ABCC2: variants seen among roughly 807,000 people sequenced by gnomAD.
The protein encoded by ABCC2 is ATP-binding cassette sub-family C member 2.
ABCC2 carries 157 observed loss-of-function variants against 173.4 expected under a neutral mutation model. The observed-to-expected ratio is 0.91, with a 90% CI of 0.80 to 1.03. The LOEUF (loss-of-function observed/expected upper bound fraction) is 1.03, where lower values mean the gene tolerates loss of function less well. Ranked by LOEUF, ABCC2 falls within the 50% of genes least tolerant of loss-of-function variation. The pLI, the probability that ABCC2 is intolerant of heterozygous loss-of-function variation, is 0.00. For synonymous variants in ABCC2, 657 were observed against 693.5 expected (o/e 0.95, Z 0.83); for missense variants, 1,822 against 1,852.3 (o/e 0.98, Z 0.30).
rs1226893923 is a variant in ABCC2 at position 99,836,189 on chromosome 10, A to G, written c.3513A>G (p.Pro1171=). The change falls in exon 25 of 32, where the codon CCA becomes CCG. Residue 1171 remains proline (P), a synonymous_variant. Coordinates refer to ENST00000647814, the MANE Select transcript of ABCC2 (RefSeq NM_000392.5). The part of the protein sequence containing the change: ...SHFSETVSGL[P]VIRAFEHQQR... ...TCAGCGAGACCGTATCAGGTTTGCCAGTTATCCGTGCCTTTGAGCACCAGC... is the reference window on the plus strand; with the variant it reads ...TCAGCGAGACCGTATCAGGTTTGCCGGTTATCCGTGCCTTTGAGCACCAGC... The G allele has an allele frequency of 2.5e-6, 4 of 1,614,208 alleles. No homozygotes were observed. Among genetic ancestry groups the G allele is most frequent in the Non-Finnish European group, 3.4e-6 (4 of 1,180,042 alleles).
chr10:99,851,719 T>C lies in ABCC2; in HGVS notation c.*88T>C. ...ATAAAATACAGAATACATACAAAAGTGTGTATAAAATGTACGTTTTAAAAA... is the reference window on the plus strand; with the variant it reads ...ATAAAATACAGAATACATACAAAAGCGTGTATAAAATGTACGTTTTAAAAA... On this transcript the variant is annotated 3_prime_UTR_variant, in exon 32 of 32. Coordinates refer to ENST00000647814, the MANE Select transcript of ABCC2 (RefSeq NM_000392.5). 7.6e-7 allele frequency: 1 copy of C among 1,309,292 alleles called. No homozygotes were observed. The highest frequency in any genetic ancestry group is 1.4e-5 in the South Asian group (1 of 70,302). The allele number at this position is 1,309,292 out of a possible 1,614,324, so 81.1% of individuals were successfully genotyped here.
At chr10:99,823,935 G>T (rs200890448) in intron 19 of ABCC2, among the ~76,000 whole-genome samples, 342 of 112,544 alleles carry the variant, frequency 3.0e-3, no homozygotes, top group East Asian at 5.8e-3. Context: ...CAAGTACAAT[G>T]TAAAAGTCTT....
Position 99,832,114 on chromosome 10 carries a change from G to A in ABCC2, c.3241G>A (p.Val1081Met). ...FFDTTPTGRI[V>M]NRFAGDISTV... ...TGACACAACACCCACAGGCCGGATT[G>A]TGAACAGGTTTGCCGGCGTAAGTAT... The change falls in exon 23 of 32, where the codon GTG becomes ATG. Residue 1081 changes from valine to methionine, a missense_variant. Coordinates refer to ENST00000647814, the MANE Select transcript of ABCC2 (RefSeq NM_000392.5). 6.2e-7 allele frequency: 1 copy of A among 1,614,202 alleles called. No individual in the cohort carries two copies. The highest frequency in any genetic ancestry group is 8.5e-7 in the Non-Finnish European group (1 of 1,180,028).
At chr10:99,786,673 C>T (rs1024704313) in intron 2 of ABCC2, among the ~76,000 whole-genome samples, 3 of 151,768 alleles carry the variant, frequency 2.0e-5, no homozygotes, top group Non-Finnish European at 4.4e-5. Context: ...TTGAGACCAG[C>T]TTGGCCAACA....
At chr10:99,841,110 GCTT>G (rs1020944308) in intron 25 of ABCC2, among the ~76,000 whole-genome samples, 11 of 152,206 alleles carry the variant, frequency 7.2e-5, no homozygotes, top group African/African-American at 2.4e-4. Flanking sequence ...TTCACCCTCA[GCTT>G]CTTCTTCCCC....
chr10:99,845,507 A>C, intron 28 of ABCC2, 117 bp from the exon 29 acceptor site: 12 of 1,309,548 alleles, frequency 9.2e-6, no homozygotes, highest in East Asian at 2.3e-5. Flanking sequence ...TTAATATCTT[A>C]GAGATGGAGT....
chr10:99,814,320 CGT>C (rs1564684487), intron 16 of ABCC2, among the ~76,000 whole-genome samples: 1 of 140,110 alleles, frequency 7.1e-6, no homozygotes, highest in African/African-American at 2.7e-5. Context: ...TATATACACA[CGT>C]ATGTATACAC....
At chr10:99,838,499 G>A (rs1349230285) in intron 25 of ABCC2, among the ~76,000 whole-genome samples, 6 of 26,680 alleles carry the variant, frequency 2.2e-4, no homozygotes, top group Non-Finnish European at 3.2e-4. Flanking sequence ...CCCAGTAGGG[G>A]CGGCCGGGCA....
At chr10:99,850,868 A>G in intron 31 of ABCC2, 72 bp downstream of exon 31, 1 of 1,543,650 alleles carries the variant, frequency 6.5e-7, no homozygotes, top group Non-Finnish European at 9.0e-7. Context: ...TCAGCCGGGA[A>G]ACACCTGATG....
intron 22 of ABCC2, 50 bp from the exon 23 acceptor site, chr10:99,831,927 T>A: frequency 6.2e-7 from 1 of 1,613,600 alleles, no homozygotes; most frequent in Non-Finnish European, 8.5e-7. Flanking sequence ...TGGGCACAAG[T>A]CTTCAGGGAT....
chr10:99,811,482 C>A, intron 14 of ABCC2, 54 bp from the exon 15 acceptor site: 1 of 1,548,082 alleles, frequency 6.5e-7, no homozygotes, highest in Non-Finnish European at 8.9e-7. Context: ...CACGTGAGGG[C>A]AGACAGTCAC....
At chr10:99,804,668 A>G (rs1009502020) in intron 10 of ABCC2, among the ~76,000 whole-genome samples, 1 of 152,034 alleles carries the variant, frequency 6.6e-6, no homozygotes, top group Admixed American at 6.5e-5. Context: ...AGCCTTGGCA[A>G]TCACCCCGCT....
At position 99,844,319 on chromosome 10, in the gene ABCC2, C is replaced by T. The variant is rs577184096; in HGVS notation, c.3844-3C>T. The T allele has an allele frequency of 3.1e-6, 5 of 1,614,176 alleles. No individual in the cohort carries two copies. The highest frequency in any genetic ancestry group is 2.7e-5 in the African/African-American group (2 of 75,064). On this transcript the variant is annotated splice_region_variant and splice_polypyrimidine_tract_variant and intron_variant, in intron 27 of 31. Coordinates refer to ENST00000647814, the MANE Select transcript of ABCC2 (RefSeq NM_000392.5). ...CTTACTTCTCATCTTGTCTCCTTGCCAGGCACCCTGGGTGACTGATAAGAG... is the reference window on the plus strand; with the variant it reads ...CTTACTTCTCATCTTGTCTCCTTGCTAGGCACCCTGGGTGACTGATAAGAG...
intron 3 of ABCC2, among the ~76,000 whole-genome samples, chr10:99,793,209 G>A (rs530181727): frequency 1.1e-4 from 16 of 152,148 alleles, no homozygotes; most frequent in Non-Finnish European, 2.2e-4. Flanking sequence ...CCTGCCTTCC[G>A]ACCTTACTAC....
rs1490022182 is a variant in ABCC2 at position 99,796,951 on chromosome 10, G to C, written c.633-146G>C. The C allele has an allele frequency of 4.0e-6, 3 of 745,262 alleles. No homozygotes were observed. In the African/African-American group the frequency reaches 5.2e-5, roughly 13 times the overall value. The allele number at this position is 745,262 out of a possible 1,614,324, so 46.2% of individuals were successfully genotyped here. A position where few individuals can be genotyped will look rare whatever the true frequency, so the allele number is the denominator to read the frequency against. On this transcript the variant is annotated intron_variant, in intron 6 of 31. Transcript: ENST00000647814. ...CTTTTGCTGCTCTCCCCACTCCTCTGTCAAGTTCAAAGGGCCAGGAGATGG... is the reference window on the plus strand; with the variant it reads ...CTTTTGCTGCTCTCCCCACTCCTCTCTCAAGTTCAAAGGGCCAGGAGATGG...
intron 17 of ABCC2, 91 bp downstream of exon 17, chr10:99,817,575 A>G: frequency 7.2e-7 from 1 of 1,394,028 alleles, no homozygotes; most frequent in East Asian, 2.3e-5. Flanking sequence ...GGGGTAATCT[A>G]GTTGATTAAT....
chr10:99,839,642 G>A (rs1369487000), intron 25 of ABCC2, among the ~76,000 whole-genome samples: 2 of 26,164 alleles, frequency 7.6e-5, no homozygotes, highest in Non-Finnish European at 7.4e-5. Flanking sequence ...GGTGGCTGCC[G>A]GGCGGAGAGG....
chr10:99,797,319 T>C lies in ABCC2; in HGVS notation c.855T>C (p.Asp285=), dbSNP rs769700101. 2.9e-5 allele frequency: 47 copies of C among 1,612,458 alleles called. No individual in the cohort carries two copies. The highest frequency in any genetic ancestry group is 2.2e-4 in the Admixed American group (13 of 59,760). ...GLNKNQSQSQ[D]ALVLEDVEKK... ...ACAAGAATCAGAGTCAAAGCCAAGA[T>C]GCCCTTGTCCTGGTAACTTTCCCTT... Residue 285 remains aspartate, a synonymous_variant, in exon 7 of 32, where the codon GAT becomes GAC. Transcript: ENST00000647814.
Position 99,812,998 on chromosome 10 carries a change from A to T in ABCC2, c.1968-20A>T. The T allele has an allele frequency of 6.2e-7, 1 of 1,613,518 alleles. No homozygotes were observed. The highest frequency in any genetic ancestry group is 8.5e-7 in the Non-Finnish European group (1 of 1,179,588). ...TACCCAACCCCTGCTATCTCCTTCA[A>T]AGACATTCCTGTCTTTCAGTGTGAA... On this transcript the variant is annotated intron_variant, in intron 15 of 31. Transcript: ENST00000647814.
Sources: gnomAD v4.1 joint callset for allele counts (sites outside exome capture counted in the v4.1 genomes callset) on GRCh38, gnomAD v4.1.1 for gene constraint, MANE v1.5 for transcripts, NCBI Gene and HGNC (gene_info 2026-07-23, HGNC 2026-07-21) for gene names.